PTPRQ: variants seen among roughly 807,000 people sequenced by gnomAD.
PTPRQ encodes the protein phosphatidylinositol phosphatase PTPRQ.
Under a neutral mutation model 246.0 loss-of-function variants are expected in PTPRQ, and 199 were observed. The observed-to-expected ratio is 0.81, with a 90% CI of 0.72 to 0.91. The LOEUF (loss-of-function observed/expected upper bound fraction) is 0.91, where lower values mean the gene tolerates loss of function less well. Ranked by LOEUF, PTPRQ falls within the 40% of genes least tolerant of loss-of-function variation. PTPRQ has a pLI of 0.00. For synonymous variants in PTPRQ, 869 were observed against 853.2 expected (o/e 1.02, Z -0.32); for missense variants, 2,624 against 2,528.4 (o/e 1.04, Z -0.81).
At chr12:80,666,683 C>T (rs1262234537) in intron 39 of PTPRQ, among the ~76,000 whole-genome samples, 1 of 151,910 alleles carries the variant, frequency 6.6e-6, no homozygotes, top group Non-Finnish European at 1.5e-5. Flanking sequence ...TAAAAATGTG[C>T]AATTATTATG....
intron 9 of PTPRQ, among the ~76,000 whole-genome samples, chr12:80,489,769 G>A (rs920547536): frequency 2.6e-5 from 4 of 151,896 alleles, no homozygotes; most frequent in African/African-American, 7.2e-5. Flanking sequence ...CACTGAGACT[G>A]AAGTCTAAAA....
intron 39 of PTPRQ, among the ~76,000 whole-genome samples, chr12:80,664,946 G>C (rs1181842322): frequency 2.6e-4 from 39 of 151,876 alleles, no homozygotes; most frequent in Admixed American, 2.6e-3. Context: ...GTAAGAGTCA[G>C]GGTTCTCTAG....
intron 23 of PTPRQ, among the ~76,000 whole-genome samples, chr12:80,546,344 G>T (rs554787261): frequency 5.9e-5 from 9 of 152,124 alleles, no homozygotes; most frequent in South Asian, 2.1e-4. Flanking sequence ...GTTCTTCAGG[G>T]AAAAGAAGGT....
intron 25 of PTPRQ, among the ~76,000 whole-genome samples, chr12:80,582,886 A>G (rs1277778750): frequency 6.6e-6 from 1 of 152,004 alleles, no homozygotes. Flanking sequence ...AAAACAAAAC[A>G]AAAAAAACTT....
At position 80,652,792 on chromosome 12, in the gene PTPRQ, C is replaced by T. The variant is rs766740639; in HGVS notation, c.6073C>T (p.Pro2025Ser). Residue 2025 changes from proline to serine, a missense_variant, in exon 38 of 45, where the codon CCT (proline) becomes TCT (serine). By Grantham distance (74) the Pro-to-Ser change is moderately conservative. Coordinates refer to ENST00000644991, the MANE Select transcript of PTPRQ (RefSeq NM_001145026.2). ...QDLSSTDADLPWNRAKNRFPN... is the reference protein window; with the variant it reads ...QDLSSTDADLSWNRAKNRFPN... The stretch of plus-strand genomic sequence containing the variant: ...TCTTTCTTCAACTGATGCTGATCTG[C>T]CTTGGAATAGAGCAAAAAACCGCTT... The T allele has an allele frequency of 9.9e-6, 15 of 1,513,862 alleles. No homozygotes were observed. Among genetic ancestry groups the T allele is most frequent in the Non-Finnish European group, 1.3e-5 (15 of 1,131,582 alleles). The allele number at this position is 1,513,862 out of a possible 1,614,324, so 93.8% of individuals were successfully genotyped here.
intron 19 of PTPRQ, among the ~76,000 whole-genome samples, chr12:80,537,555 G>T (rs540033157): frequency 1.3e-5 from 2 of 152,256 alleles, no homozygotes; most frequent in East Asian, 1.9e-4. Flanking sequence ...TTAATTGAAA[G>T]ATTTAAAAAA....
Position 80,616,270 on chromosome 12 carries a change from C to T in PTPRQ, c.5230+4C>T. On this transcript the variant is annotated splice_donor_region_variant and intron_variant, in intron 30 of 44. Coordinates refer to ENST00000644991, the MANE Select transcript of PTPRQ (RefSeq NM_001145026.2). The stretch of plus-strand genomic sequence containing the variant: ...AGAATAACCATGGATATCAAAGGTA[C>T]ATACATGAGCTACCTTCCTATGAAA... 5 of 1,470,648 alleles carry T rather than the reference C, an allele frequency of 3.4e-6. No homozygotes were observed. The highest frequency in any genetic ancestry group is 1.8e-6 in the Non-Finnish European group (2 of 1,109,350). 91.1% of individuals were successfully genotyped at this position (1,470,648 alleles called of 1,614,324 possible).
At chr12:80,553,812 A>G (rs904559889) in intron 25 of PTPRQ, among the ~76,000 whole-genome samples, 9 of 152,298 alleles carry the variant, frequency 5.9e-5, no homozygotes, top group Admixed American at 6.5e-5. Context: ...AACCAATACA[A>G]ATAATACAGC....
rs1023963215 is a variant in PTPRQ at position 80,500,085 on chromosome 12, A to G, written c.2272+3554A>G. Among the ~76,000 whole-genome samples the G allele has an allele frequency of 4.6e-5, 7 of 152,120 alleles. No homozygotes were observed. In the South Asian group the frequency reaches 6.2e-4, roughly 13 times the overall value. On this transcript the variant is annotated intron_variant, in intron 14 of 44. Transcript: ENST00000644991. ...AGACCCCCATAAATTTATTTGTATTAATGAATAACATTTTAAAATTTGTCT... is the reference window on the plus strand; with the variant it reads ...AGACCCCCATAAATTTATTTGTATTGATGAATAACATTTTAAAATTTGTCT...
chr12:80,512,699 C>G (rs1215206046), intron 17 of PTPRQ: 1 of 152,172 alleles, frequency 6.6e-6, no homozygotes, highest in South Asian at 2.1e-4. Flanking sequence ...CTATTCATTT[C>G]TCATTCCCTC....
intron 17 of PTPRQ, among the ~76,000 whole-genome samples, chr12:80,521,635 CT>C (rs894045340): frequency 3.3e-5 from 5 of 151,892 alleles, no homozygotes; most frequent in Admixed American, 6.6e-5. Context: ...TTCCCCATTG[CT>C]TTTTTTTGTC....
intron 2 of PTPRQ, among the ~76,000 whole-genome samples, 183 bp from the exon 3 acceptor site, chr12:80,445,308 T>A (rs2120382379): frequency 6.6e-6 from 1 of 152,072 alleles, no homozygotes; most frequent in South Asian, 2.1e-4. Flanking sequence ...CACATTCTTA[T>A]AAAGGAATGC....
chr12:80,513,496 G>A (rs1487254709), intron 17 of PTPRQ, among the ~76,000 whole-genome samples: 3 of 152,148 alleles, frequency 2.0e-5, no homozygotes, highest in African/African-American at 7.2e-5. Flanking sequence ...GCCCGTTAGG[G>A]TCTTGGGATT....
chr12:80,639,396 A>T (rs1428853237), intron 35 of PTPRQ, among the ~76,000 whole-genome samples: 1 of 151,992 alleles, frequency 6.6e-6, no homozygotes, highest in East Asian at 1.9e-4. Flanking sequence ...TTAGTCCTCA[A>T]TTTTTTTTCA....
intron 14 of PTPRQ, among the ~76,000 whole-genome samples, chr12:80,504,551 T>C (rs1894897546): frequency 6.6e-6 from 1 of 151,840 alleles, no homozygotes; most frequent in Non-Finnish European, 1.5e-5. Context: ...ACTATTGATA[T>C]CTGATTTGCT....
At chr12:80,472,296 A>G in intron 8 of PTPRQ, 45 bp downstream of exon 8, 1 of 1,540,874 alleles carries the variant, frequency 6.5e-7, no homozygotes, top group Non-Finnish European at 8.7e-7. Context: ...TATGCTTATG[A>G]ACTTCATGAA....
At chr12:80,509,589 T>G (rs1895065070) in intron 16 of PTPRQ, among the ~76,000 whole-genome samples, 1 of 152,098 alleles carries the variant, frequency 6.6e-6, no homozygotes, top group South Asian at 2.1e-4. Flanking sequence ...AGAAATGTCA[T>G]TCTAAATGTT....
At chr12:80,632,150 T>G (rs778259577) in intron 33 of PTPRQ, 42 bp from the exon 34 acceptor site, 57 of 1,525,486 alleles carry the variant, frequency 3.7e-5, no homozygotes, top group Middle Eastern at 1.7e-4. Flanking sequence ...AAAATAAGAT[T>G]CCATAATAAT....
At chr12:80,518,378 T>G (rs1158038829) in intron 17 of PTPRQ, among the ~76,000 whole-genome samples, 4 of 152,170 alleles carry the variant, frequency 2.6e-5, no homozygotes, top group African/African-American at 9.7e-5. Context: ...TGCATTCTGG[T>G]TATTAATCCC....
Sources: allele counts gnomAD v4.1 joint callset (sites outside exome capture counted in the v4.1 genomes callset), GRCh38; gene constraint gnomAD v4.1.1; transcripts MANE v1.5; gene names NCBI Gene and HGNC (gene_info 2026-07-23, HGNC 2026-07-21).